Variants in RGS17 observed in about 807,000 individuals in gnomAD.
RGS17 encodes the protein regulator of G protein signaling 17, also known as regulator of G-protein signaling 17.
Under a neutral mutation model 25.5 loss-of-function variants are expected in RGS17, and 12 were observed. That is an observed-to-expected ratio of 0.47 (90% confidence interval 0.30 to 0.76). The LOEUF (loss-of-function observed/expected upper bound fraction) is 0.76. RGS17 is among the 30% of genes least tolerant of loss of function. RGS17 has a pLI of 0.07. For missense variants in RGS17, 196 were observed against 242.2 expected, an observed-to-expected ratio of 0.81 and a Z score of 1.27; for synonymous variants, 71 against 76.9, an observed-to-expected ratio of 0.92 and a Z score of 0.40.
chr6:153,098,700 G>T (rs1777253842), intron 1 of RGS17, among the ~76,000 whole-genome samples: 1 of 152,144 alleles, frequency 6.6e-6, no homozygotes, highest in Non-Finnish European at 1.5e-5. Flanking sequence ...ATGCCGGGTG[G>T]CAACTCTGTT....
chr6:153,069,480 G>C (rs997656758), intron 1 of RGS17, among the ~76,000 whole-genome samples: 1 of 151,948 alleles, frequency 6.6e-6, no homozygotes, highest in Non-Finnish European at 1.5e-5. Flanking sequence ...TGGGGTGGGA[G>C]ATAGGTGGGG....
At chr6:153,090,449 GAA>G (rs1215269696) in intron 1 of RGS17, among the ~76,000 whole-genome samples, 9 of 83,268 alleles carry the variant, frequency 1.1e-4, no homozygotes, top group Admixed American at 1.4e-4. Context: ...CATCTCTACT[GAA>G]AAAAAAAAAA....
At chr6:153,041,859 T>C (rs868394363) in intron 2 of RGS17, among the ~76,000 whole-genome samples, 4 of 152,242 alleles carry the variant, frequency 2.6e-5, no homozygotes, top group African/African-American at 9.6e-5. Context: ...GTGATCTTTA[T>C]TTTCCAATAT....
At chr6:153,040,935 A>G (rs1221384892) in intron 2 of RGS17, among the ~76,000 whole-genome samples, 2 of 149,526 alleles carry the variant, frequency 1.3e-5, no homozygotes, top group Non-Finnish European at 3.0e-5. Flanking sequence ...GCATTTTAGG[A>G]TTGCTTGAGC....
At chr6:153,078,912 A>C (rs1271733570) in intron 1 of RGS17, among the ~76,000 whole-genome samples, 1 of 147,120 alleles carries the variant, frequency 6.8e-6, no homozygotes, top group Non-Finnish European at 1.5e-5. Flanking sequence ...GACTAAATTT[A>C]CATCTTAACT....
chr6:153,061,563 G>A (rs1330037130), intron 1 of RGS17, among the ~76,000 whole-genome samples: 1 of 152,156 alleles, frequency 6.6e-6, no homozygotes, highest in African/African-American at 2.4e-5. Context: ...GGGTATTCCA[G>A]AGACTGTTTC....
intron 1 of RGS17, among the ~76,000 whole-genome samples, chr6:153,075,181 T>C (rs902230651): frequency 2.6e-5 from 4 of 152,220 alleles, no homozygotes; most frequent in African/African-American, 9.6e-5. Context: ...TTTAAACTTT[T>C]GTTTAACTGT....
chr6:153,017,313 AC>A (rs1779194851), intron 4 of RGS17, among the ~76,000 whole-genome samples: 1 of 152,180 alleles, frequency 6.6e-6, no homozygotes, highest in Non-Finnish European at 1.5e-5. Flanking sequence ...ATTCATTCCC[AC>A]AGGGAGCAGG....
chr6:153,113,029 C>T (rs551197886), intron 1 of RGS17, among the ~76,000 whole-genome samples: 1 of 152,252 alleles, frequency 6.6e-6, no homozygotes, highest in African/African-American at 2.4e-5. Context: ...GGCAAAATAA[C>T]CATCTAGCAT....
intron 2 of RGS17, among the ~76,000 whole-genome samples, chr6:153,029,806 G>A (rs564365036): frequency 1.3e-5 from 2 of 152,192 alleles, no homozygotes; most frequent in East Asian, 3.9e-4. Flanking sequence ...GGTCAGGCTG[G>A]TCTTGAACTC....
intron 1 of RGS17, among the ~76,000 whole-genome samples, chr6:153,103,556 C>G (rs889854368): frequency 6.6e-6 from 1 of 152,130 alleles, no homozygotes; most frequent in East Asian, 1.9e-4. Flanking sequence ...CTATTCTTGT[C>G]CTCCATGATC....
rs1777770445 is a variant in RGS17 at position 153,130,473 on chromosome 6, TACATAC to T, written c.-26+645_-26+650del. 7.9e-6 allele frequency among the ~76,000 whole-genome samples: 1 copy of T among 126,320 alleles called. No homozygotes were observed. The allele number at this position is 126,320 out of a possible 152,430, so 82.9% of individuals were successfully genotyped here. On this transcript the variant is annotated intron_variant, in intron 1 of 4. Coordinates refer to ENST00000206262, the MANE Select transcript of RGS17 (RefSeq NM_012419.5). This position sits in a 1 kb window ranked among gnomAD's most constrained non-coding sequence, Gnocchi z 6.4. ...AAAGAGACCCCCCACCCCCTATACA[TACATAC>T]ACATACACACACACACACACACACA...
chr6:153,050,274 T>C (rs574371416), intron 1 of RGS17, among the ~76,000 whole-genome samples: 2 of 152,142 alleles, frequency 1.3e-5, no homozygotes, highest in Non-Finnish European at 2.9e-5. Context: ...TTATATAGTT[T>C]AATTTATTAA....
At chr6:153,074,191 T>A (rs931549194) in intron 1 of RGS17, among the ~76,000 whole-genome samples, 1 of 152,216 alleles carries the variant, frequency 6.6e-6, no homozygotes, top group Admixed American at 6.5e-5. Flanking sequence ...CCCCTACTTA[T>A]GAGACAAACT....
intron 1 of RGS17, among the ~76,000 whole-genome samples, chr6:153,105,475 G>A (rs889113816): frequency 2.0e-5 from 3 of 152,130 alleles, no homozygotes; most frequent in African/African-American, 7.2e-5. Context: ...TGATTTAGTT[G>A]CCACTCACAA....
intron 1 of RGS17, among the ~76,000 whole-genome samples, chr6:153,070,708 C>CATATAT (rs138633492): frequency 4.8e-5 from 6 of 125,976 alleles, no homozygotes; most frequent in African/African-American, 1.8e-4. Flanking sequence ...TGTGTATATA[C>CATATAT]ATATATATAT....
chr6:153,118,716 G>T (rs1777577834), intron 1 of RGS17, among the ~76,000 whole-genome samples: 1 of 145,446 alleles, frequency 6.9e-6, no homozygotes, highest in Non-Finnish European at 1.5e-5. Flanking sequence ...GGAAATAGAT[G>T]ATGTATAAAT....
intron 1 of RGS17, among the ~76,000 whole-genome samples, chr6:153,114,351 G>A (rs749846852): frequency 6.6e-6 from 1 of 152,056 alleles, no homozygotes; most frequent in Non-Finnish European, 1.5e-5. Flanking sequence ...TAAATTCCTG[G>A]ACACATAAAC....
chr6:153,077,254 A>T (rs1375450021), intron 1 of RGS17, among the ~76,000 whole-genome samples: 1 of 152,238 alleles, frequency 6.6e-6, no homozygotes, highest in Admixed American at 6.5e-5. Flanking sequence ...TCTAAAATAC[A>T]GTTCTCTTGG....
Sources: gnomAD v4.1 joint callset for allele counts (sites outside exome capture counted in the v4.1 genomes callset) on GRCh38, gnomAD v4.1.1 for gene constraint, Gnocchi (gnomAD v3.1) non-coding constraint, MANE v1.5 for transcripts, NCBI Gene and HGNC (gene_info 2026-07-23, HGNC 2026-07-21) for gene names.